The following CCSER1 variants were observed in gnomAD, a reference collection of about 807,000 sequenced individuals.
CCSER1 encodes coiled-coil serine rich protein 1, also known as serine-rich coiled-coil domain-containing protein 1.
In CCSER1, 41 loss-of-function variants were observed where a neutral mutation model predicts 82.0. The observed-to-expected ratio is 0.50, with a 90% CI of 0.39 to 0.65. The LOEUF (loss-of-function observed/expected upper bound fraction) is 0.65, where lower values mean the gene tolerates loss of function less well. CCSER1 is among the 30% of genes least tolerant of loss of function. The pLI is 0.00. For synonymous variants in CCSER1, 414 were observed against 383.9 expected, an observed-to-expected ratio of 1.08 and a Z score of -0.92; for missense variants, 1,119 against 1,064.2, an observed-to-expected ratio of 1.05 and a Z score of -0.72.
chr4:91,330,804 C>CT (rs1481353813), intron 10 of CCSER1, among the ~76,000 whole-genome samples: 1 of 152,088 alleles, frequency 6.6e-6, no homozygotes, highest in Non-Finnish European at 1.5e-5. Context: ...TGAGGTTTTG[C>CT]TTTTCACGGT....
intron 4 of CCSER1, among the ~76,000 whole-genome samples, chr4:90,445,642 T>G (rs1228044778): frequency 6.6e-6 from 1 of 152,102 alleles, no homozygotes; most frequent in Non-Finnish European, 1.5e-5. Context: ...TATGAAAAAT[T>G]AATGTCCTTT....
intron 10 of CCSER1, among the ~76,000 whole-genome samples, chr4:91,589,998 TA>T (rs1467976592): frequency 6.6e-6 from 1 of 152,042 alleles, no homozygotes; most frequent in African/African-American, 2.4e-5. Context: ...ACTCTAATTA[TA>T]AACAGAACAG....
chr4:90,736,483 T>A (rs1427091457), intron 7 of CCSER1, among the ~76,000 whole-genome samples: 1 of 152,140 alleles, frequency 6.6e-6, no homozygotes, highest in Non-Finnish European at 1.5e-5. Flanking sequence ...TTTCTATATT[T>A]TTTGTCTTGA....
chr4:90,188,392 G>A (rs1578394911), intron 1 of CCSER1, among the ~76,000 whole-genome samples: 1 of 151,858 alleles, frequency 6.6e-6, no homozygotes, highest in East Asian at 1.9e-4. Context: ...TTCTATCATT[G>A]TAGTCTTATA....
At chr4:91,189,181 C>T (rs73836869) in intron 10 of CCSER1, among the ~76,000 whole-genome samples, 1,789 of 151,990 alleles carry the variant, frequency 0.012, 33 homozygotes, top group African/African-American at 0.04. Context: ...CTAAAACTTA[C>T]CATAGCCTTA....
At chr4:90,335,328 G>A (rs979298668) in intron 3 of CCSER1, among the ~76,000 whole-genome samples, 4 of 152,128 alleles carry the variant, frequency 2.6e-5, no homozygotes, top group South Asian at 2.1e-4. Context: ...CAATTCATGC[G>A]TAAAGTGAAC....
chr4:91,073,909 T>C (rs561153360), intron 9 of CCSER1, among the ~76,000 whole-genome samples: 91 of 152,108 alleles, frequency 6.0e-4, no homozygotes, highest in Non-Finnish European at 1.2e-3. Context: ...CTCCCGATAA[T>C]CATCAATTTT....
chr4:90,551,698 C>CTATATATATATA, intron 5 of CCSER1, among the ~76,000 whole-genome samples: 1 of 118,510 alleles, frequency 8.4e-6, no homozygotes, highest in Admixed American at 8.5e-5. Flanking sequence ...CTCTCTCTCT[C>CTATATATATATA]TCTCTCTCTA....
intron 10 of CCSER1, among the ~76,000 whole-genome samples, chr4:91,507,363 C>T (rs1038394267): frequency 6.6e-6 from 1 of 152,094 alleles, no homozygotes; most frequent in Non-Finnish European, 1.5e-5. Context: ...TTTTGATTTT[C>T]ATTTCTTCAA....
intron 5 of CCSER1, among the ~76,000 whole-genome samples, chr4:90,566,585 A>G (rs1443093782): frequency 2.0e-5 from 3 of 149,974 alleles, no homozygotes; most frequent in Non-Finnish European, 4.4e-5. Context: ...TTGTTGGTGT[A>G]GAATTGTTCA....
chr4:91,516,802 G>A (rs1236776949), intron 10 of CCSER1, among the ~76,000 whole-genome samples: 5 of 152,084 alleles, frequency 3.3e-5, no homozygotes, highest in South Asian at 2.1e-4. Context: ...GAGAAGTATG[G>A]CCATTTTACA....
At chr4:91,285,439 T>C (rs1055413367) in intron 10 of CCSER1, among the ~76,000 whole-genome samples, 8 of 151,848 alleles carry the variant, frequency 5.3e-5, no homozygotes, top group African/African-American at 1.9e-4. Flanking sequence ...TATGGAATTA[T>C]TATCCTTAAT....
chr4:90,158,972 C>T (rs1484133167), intron 1 of CCSER1, among the ~76,000 whole-genome samples: 1 of 152,254 alleles, frequency 6.6e-6, no homozygotes, highest in African/African-American at 2.4e-5. Context: ...TTCTGCTTCA[C>T]TCACACTGGG....
At chr4:91,336,497 C>G (rs939262332) in intron 10 of CCSER1, among the ~76,000 whole-genome samples, 2 of 152,010 alleles carry the variant, frequency 1.3e-5, no homozygotes, top group Non-Finnish European at 2.9e-5. Context: ...ATAATGCATG[C>G]AAAACACATC....
At chr4:90,588,364 T>C (rs1782274986) in intron 5 of CCSER1, among the ~76,000 whole-genome samples, 1 of 152,248 alleles carries the variant, frequency 6.6e-6, no homozygotes, top group African/African-American at 2.4e-5. Context: ...ATTTCAACAA[T>C]GTTCACTGCA....
chr4:91,178,485 G>C (rs149207752), intron 10 of CCSER1, among the ~76,000 whole-genome samples: 1 of 151,962 alleles, frequency 6.6e-6, no homozygotes, highest in Admixed American at 6.6e-5. Context: ...TATGAATCTG[G>C]GTGCTCCTGT....
chr4:90,752,848 A>T (rs1748895368), intron 7 of CCSER1, among the ~76,000 whole-genome samples: 1 of 152,114 alleles, frequency 6.6e-6, no homozygotes, highest in Non-Finnish European at 1.5e-5. Context: ...ATTGATAAAA[A>T]CCATTCAAAA....
chr4:90,881,561 C>T (rs1023514618), intron 8 of CCSER1, among the ~76,000 whole-genome samples: 2 of 152,204 alleles, frequency 1.3e-5, no homozygotes. Flanking sequence ...TGTCTGAGCT[C>T]AGGAGTTTGA....
intron 8 of CCSER1, among the ~76,000 whole-genome samples, chr4:90,826,232 T>C (rs1318073176): frequency 6.6e-6 from 1 of 152,220 alleles, no homozygotes; most frequent in Non-Finnish European, 1.5e-5. Context: ...AATCTTAACA[T>C]GAATGACTCC....
Sources: allele counts gnomAD v4.1 joint callset (sites outside exome capture counted in the v4.1 genomes callset), GRCh38; gene constraint gnomAD v4.1.1; transcripts MANE v1.5; gene names NCBI Gene and HGNC (gene_info 2026-07-23, HGNC 2026-07-21).